Variants in EIF4A1 observed in about 807,000 individuals in gnomAD.
The protein encoded by EIF4A1 is eukaryotic translation initiation factor 4A1, also known as eukaryotic initiation factor 4A-I.
A neutral mutation model predicts 53.5 loss-of-function variants in EIF4A1; 11 were observed. The observed-to-expected ratio is 0.21, with a 90% CI of 0.13 to 0.34. The LOEUF is 0.34. Among genes scored for constraint, EIF4A1 ranks in the 10% least tolerant of loss-of-function variants. The pLI is 1.00. For missense variants in EIF4A1, 213 were observed against 530.8 expected (o/e 0.40, Z 5.88); for synonymous variants, 237 against 186.7 (o/e 1.27, Z -2.20).
At position 7,577,935 on chromosome 17, in the gene EIF4A1, T is replaced by C. The variant is rs566772610; in HGVS notation, c.996+19T>C. 5.0e-5 allele frequency: 81 copies of C among 1,614,070 alleles called. 1 individual carries two copies. The East Asian group carries it at 1.2e-3, about 25-fold the overall frequency. On this transcript the variant is annotated intron_variant, in intron 9 of 10. Coordinates refer to ENST00000293831, the MANE Select transcript of EIF4A1 (RefSeq NM_001416.4). The surrounding 1 kb of genome is among the most constrained non-coding windows in gnomAD (Gnocchi z 4.7). ...CCTGCTGGTGAGTAGAGGGAACTGA[T>C]AGCAAAGGCAGAAGGGAGGATCCAA...
intron 3 of EIF4A1, 47 bp downstream of exon 3, chr17:7,574,725 G>C: frequency 6.2e-7 from 1 of 1,609,862 alleles, no homozygotes; most frequent in Non-Finnish European, 8.5e-7. Context: ...TCCCTGACCT[G>C]GGTAGAGTGG....
Position 7,578,186 on chromosome 17 carries a change from C to T in EIF4A1, c.1018C>T (p.Gln340Ter). 1 of 1,614,178 alleles carries T rather than the reference C, an allele frequency of 6.2e-7. No individual in the cohort carries two copies. The highest frequency in any genetic ancestry group is 8.5e-7 in the Non-Finnish European group (1 of 1,180,020). ...DLLARGIDVQ[Q>*]VSLVINYDLP... ...GTAGGCCAGAGGCATTGATGTGCAG[C>T]AGGTTTCTTTAGTCATCAACTATGA... Residue 340 changes from glutamine (Q) to a stop codon, truncating the protein, a stop_gained, in exon 10 of 11, where the codon CAG becomes TAG. Coordinates refer to ENST00000293831, the MANE Select transcript of EIF4A1 (RefSeq NM_001416.4). LOFTEE classifies it high-confidence loss of function.
Position 7,574,279 on chromosome 17 carries a change from G to A in EIF4A1, c.43G>A (p.Asp15Asn), listed in dbSNP as rs2071369570. 4 of 1,614,210 alleles carry A rather than the reference G, an allele frequency of 2.5e-6. No homozygotes were observed. The highest frequency in any genetic ancestry group is 3.4e-6 in the Non-Finnish European group (4 of 1,180,032). The change falls in exon 2 of 11, where the codon GAT becomes AAT. Residue 15 changes from aspartate (D) to asparagine (N), a missense_variant. This residue lies in a region of EIF4A1 where 53 missense variants were observed against 34.0 expected (regional missense o/e 1.56). Coordinates refer to ENST00000293831, the MANE Select transcript of EIF4A1 (RefSeq NM_001416.4). ...CAACAGATCCAGAGACAATGGCCCC[G>A]ATGGGATGGAGCCCGAAGGCGTCAT... ...QDSRSRDNGP[D>N]GMEPEGVIES...
At chr17:7,576,280 G>A (rs2071400764) in intron 4 of EIF4A1, 1 of 395,278 alleles carries the variant, frequency 2.5e-6, no homozygotes, top group Non-Finnish European at 4.5e-6. Context: ...AATTATCTGA[G>A]CGGCCTCATT....
chr17:7,572,976 G>A, intron 1 of EIF4A1, 112 bp downstream of exon 1: 13 of 1,592,240 alleles, frequency 8.2e-6, no homozygotes, highest in East Asian at 2.2e-5. Context: ...AACCGAACCG[G>A]GTGGGGGGAG....
Position 7,578,562 on chromosome 17 carries a change from G to C in EIF4A1, c.*76G>C. The C allele has an allele frequency of 6.9e-7, 1 of 1,446,832 alleles. No homozygotes were observed. The allele number at this position is 1,446,832 out of a possible 1,614,324, so 89.6% of individuals were successfully genotyped here. ...AGGAGCAGCAGGAGGGGGGAGGGAA[G>C]GGAGCCAAGGGATGGACATCTTGTC... is the stretch of plus-strand genomic sequence containing the variant. On this transcript the variant is annotated 3_prime_UTR_variant, in exon 11 of 11. Coordinates refer to ENST00000293831, the MANE Select transcript of EIF4A1 (RefSeq NM_001416.4).
In EIF4A1 at chr17:7,576,498, A is replaced by C. The variant is rs931070914; in HGVS notation, c.346-26A>C. ...TGCCGGGCACAGTGGTAACTGACAT[A>C]TGAGCACCTGCCTCTCTCTGCTCAG... On this transcript the variant is annotated intron_variant, in intron 4 of 10. Coordinates refer to ENST00000293831, the MANE Select transcript of EIF4A1 (RefSeq NM_001416.4). 5 of 1,536,300 alleles carry C rather than the reference A, an allele frequency of 3.3e-6. No homozygotes were observed. The African/African-American group carries it at 5.5e-5, about 17-fold the overall frequency.
At chr17:7,574,753 C>T (rs767418140) in intron 3 of EIF4A1, 75 bp downstream of exon 3, 4 of 1,601,882 alleles carry the variant, frequency 2.5e-6, no homozygotes, top group Middle Eastern at 4.4e-4. Context: ...TTGGTGATGC[C>T]CATCTCATAT....
chr17:7,574,032 CA>C, intron 1 of EIF4A1: 1 of 566,816 alleles, frequency 1.8e-6, no homozygotes, highest in South Asian at 2.2e-5. Flanking sequence ...CAGAAAGGGT[CA>C]CCCCCTTATG....
intron 1 of EIF4A1, chr17:7,573,673 C>T (rs1300093211): frequency 6.4e-6 from 1 of 155,194 alleles, no homozygotes; most frequent in East Asian, 1.9e-4. Flanking sequence ...TTCCCCTCCC[C>T]CAGTCTGCTT....
Position 7,577,874 on chromosome 17 carries a change from T to C in EIF4A1, c.954T>C (p.Phe318=). Residue 318 remains phenylalanine, a synonymous_variant, in exon 9 of 11, where the codon TTT becomes TTC. Coordinates refer to ENST00000293831, the MANE Select transcript of EIF4A1 (RefSeq NM_001416.4). This position sits in a 1 kb window ranked among gnomAD's most constrained non-coding sequence, Gnocchi z 4.7. ...QKERDVIMRE[F]RSGSSRVLIT... ...AACGAGACGTGATTATGAGGGAGTTTCGTTCTGGCTCTAGCAGAGTTTTGA... is the reference window on the plus strand; with the variant it reads ...AACGAGACGTGATTATGAGGGAGTTCCGTTCTGGCTCTAGCAGAGTTTTGA... 6.2e-7 allele frequency: 1 copy of C among 1,614,170 alleles called. No individual in the cohort carries two copies.
In EIF4A1 at chr17:7,575,340, A is replaced by G. The variant is rs933899783; in HGVS notation, c.345+82A>G. 8.8e-6 allele frequency: 14 copies of G among 1,585,422 alleles called. No homozygotes were observed. The Admixed American group carries it at 1.2e-4, about 13-fold the overall frequency. Reference sequence around the variant, plus strand: ...CCAAGGACCAGAGAAGTCTTCTCTGATCACCACCTTGGGAGGAAGACATGG... The same window carrying G: ...CCAAGGACCAGAGAAGTCTTCTCTGGTCACCACCTTGGGAGGAAGACATGG... On this transcript the variant is annotated intron_variant, in intron 4 of 10. Coordinates refer to ENST00000293831, the MANE Select transcript of EIF4A1 (RefSeq NM_001416.4).
chr17:7,578,784 CTTTGAAAGTGA>C lies in EIF4A1; in HGVS notation c.*301_*311del. ...GGCTCTCCTCACCTCAGCTGAGCTC[CTTTGAAAGTGA>C]TTCAAGGGACTATGTCACTCAGCCT... On this transcript the variant is annotated 3_prime_UTR_variant, in exon 11 of 11. Coordinates refer to ENST00000293831, the MANE Select transcript of EIF4A1 (RefSeq NM_001416.4). The C allele has an allele frequency of 4.4e-6, 1 of 228,432 alleles. No individual in the cohort carries two copies. Among genetic ancestry groups the C allele is most frequent in the African/African-American group, 2.3e-5 (1 of 43,852 alleles). The allele number at this position is 228,432 out of a possible 1,614,324, so 14.2% of individuals were successfully genotyped here.
intron 1 of EIF4A1, chr17:7,573,303 G>A (rs1324800294): frequency 1.0e-5 from 3 of 285,788 alleles, no homozygotes; most frequent in Non-Finnish European, 6.7e-6. Context: ...AGAGGCGGGG[G>A]TGCCTGGTCC....
chr17:7,576,181 A>G (rs1567734369), intron 4 of EIF4A1: 1 of 180,698 alleles, frequency 5.5e-6, no homozygotes, highest in Non-Finnish European at 1.1e-5. Flanking sequence ...AAAAGAAAAA[A>G]AAAATGGTTG....
In EIF4A1 at chr17:7,575,722, G is replaced by T. The variant is rs1421099954; in HGVS notation, c.345+464G>T. ...TGTTTTTAAATGTTCTGTGGCAGGG[G>T]CAGTGATTATTCTGGGTGTGGATAA... is the stretch of plus-strand genomic sequence containing the variant. On this transcript the variant is annotated intron_variant, in intron 4 of 10. Coordinates refer to ENST00000293831, the MANE Select transcript of EIF4A1 (RefSeq NM_001416.4). The T allele has an allele frequency of 1.1e-5, 3 of 284,578 alleles. No homozygotes were observed. The East Asian group carries it at 2.5e-4, about 24-fold the overall frequency. The allele number at this position is 284,578 out of a possible 1,614,324, so 17.6% of individuals were successfully genotyped here.
rs748395190 is a variant in EIF4A1, at chr17:7,574,284, G to A, written c.48G>A (p.Gly16=). 2.3e-5 allele frequency: 37 copies of A among 1,614,112 alleles called. No individual in the cohort carries two copies. The highest frequency in any genetic ancestry group is 3.3e-5 in the South Asian group (3 of 91,084). The change falls in exon 2 of 11, where the codon GGG becomes GGA. Residue 16 remains glycine, a synonymous_variant. Coordinates refer to ENST00000293831, the MANE Select transcript of EIF4A1 (RefSeq NM_001416.4). ...DSRSRDNGPD[G]MEPEGVIESN... ...GATCCAGAGACAATGGCCCCGATGG[G>A]ATGGAGCCCGAAGGCGTCATCGAGG...
chr17:7,574,647 C>T lies in EIF4A1; in HGVS notation c.174C>T (p.Ile58=), dbSNP rs147090597. 175 of 1,612,402 alleles carry T rather than the reference C, an allele frequency of 1.1e-4. No individual in the cohort carries two copies. The highest frequency in any genetic ancestry group is 2.2e-4 in the Middle Eastern group (1 of 4,614). Residue 58 remains isoleucine (I), a synonymous_variant, in exon 3 of 11, where the codon ATC becomes ATT. Coordinates refer to ENST00000293831, the MANE Select transcript of EIF4A1 (RefSeq NM_001416.4). ...ATGGTTTTGAGAAGCCCTCTGCCAT[C>T]CAGCAGCGAGCCATTCTACCTTGTA... ...YAYGFEKPSA[I]QQRAILPCIK...
chr17:7,578,042 T>C, intron 9 of EIF4A1, 123 bp from the exon 10 acceptor site: 4 of 1,565,284 alleles, frequency 2.6e-6, no homozygotes, highest in Non-Finnish European at 3.5e-6. Flanking sequence ...CTAAGGCCTT[T>C]GGGGAACTGG....
Sources: allele counts gnomAD v4.1 joint callset, GRCh38; gene constraint gnomAD v4.1.1; regional missense constraint gnomAD v4.1.1; non-coding constraint Gnocchi (gnomAD v3.1); transcripts MANE v1.5; gene names NCBI Gene and HGNC (gene_info 2026-07-23, HGNC 2026-07-21).